REEP5: variants seen among roughly 807,000 people sequenced by gnomAD.
REEP5 encodes receptor expression-enhancing protein 5.
In REEP5, 24 loss-of-function variants were observed where a neutral mutation model predicts 22.4. That is an observed-to-expected ratio of 1.07 (90% confidence interval 0.78 to 1.51). The LOEUF (loss-of-function observed/expected upper bound fraction) is 1.51. Ranked by LOEUF, REEP5 falls within the 40% of genes most tolerant of loss-of-function variation. The pLI is 0.00. For synonymous variants in REEP5, 103 were observed against 88.6 expected (o/e 1.16, Z -0.92); for missense variants, 252 against 233.0 (o/e 1.08, Z -0.53).
intron 4 of REEP5, chr5:112,885,851 G>T: frequency 5.0e-6 from 1 of 198,052 alleles, no homozygotes; most frequent in South Asian, 8.4e-5. Flanking sequence ...TTTAGAGAAT[G>T]ATCACCCAGA....
chr5:112,903,237 C>T (rs561607228), intron 2 of REEP5, among the ~76,000 whole-genome samples: 4 of 152,320 alleles, frequency 2.6e-5, no homozygotes, highest in African/African-American at 7.2e-5. Context: ...TTATTCTAAA[C>T]CTGAAGCTCC....
chr5:112,892,736 C>G, intron 3 of REEP5: 1 of 1,613,930 alleles, frequency 6.2e-7, no homozygotes, highest in East Asian at 2.2e-5. Flanking sequence ...GGCAAGAACT[C>G]CGAGAGGAGG....
At chr5:112,912,441 CTA>C (rs1428214116) in intron 2 of REEP5, among the ~76,000 whole-genome samples, 2 of 152,080 alleles carry the variant, frequency 1.3e-5, no homozygotes, top group East Asian at 1.9e-4. Flanking sequence ...TAAAATATAT[CTA>C]TATATCCATT....
intron 3 of REEP5, among the ~76,000 whole-genome samples, chr5:112,889,016 G>C (rs774042526): frequency 2.7e-5 from 4 of 150,754 alleles, no homozygotes; most frequent in Non-Finnish European, 5.9e-5. Context: ...CTTTCGCTTG[G>C]GCTCTCATTC....
intron 4 of REEP5, among the ~76,000 whole-genome samples, chr5:112,883,380 CA>C (rs1369286192): frequency 6.6e-6 from 1 of 152,192 alleles, no homozygotes; most frequent in Non-Finnish European, 1.5e-5. Flanking sequence ...GACCTGTTGA[CA>C]GCATGTAACA....
At chr5:112,897,083 T>A (rs1436977070) in intron 3 of REEP5, 1 of 152,174 alleles carries the variant, frequency 6.6e-6, no homozygotes, top group Non-Finnish European at 1.5e-5. Context: ...TAGATAGCTA[T>A]GTCAAAAAAT....
At chr5:112,891,901 C>CA (rs763078147) in intron 3 of REEP5, 1 of 1,324,988 alleles carries the variant, frequency 7.5e-7, no homozygotes, top group Middle Eastern at 1.8e-4. Flanking sequence ...GCAGAAGGCA[C>CA]AAGAAGAATT....
intron 1 of REEP5, 90 bp downstream of exon 1, chr5:112,921,983 C>T: frequency 6.9e-7 from 1 of 1,458,248 alleles, no homozygotes. Context: ...CTCCACCTTT[C>T]CCGAGTCCTC....
At chr5:112,892,033 C>G (rs1554093469) in intron 3 of REEP5, 6 of 1,420,594 alleles carry the variant, frequency 4.2e-6, no homozygotes, top group South Asian at 1.1e-5. Flanking sequence ...GCAGAAACAA[C>G]AGGAGAAGAA....
intron 3 of REEP5, among the ~76,000 whole-genome samples, chr5:112,889,334 A>C (rs1182034283): frequency 1.3e-5 from 2 of 150,854 alleles, no homozygotes; most frequent in Non-Finnish European, 2.9e-5. Context: ...ACAAAACCAA[A>C]TAGGAACACT....
chr5:112,880,170 A>C (rs1580726459), intron 4 of REEP5, among the ~76,000 whole-genome samples: 2 of 152,006 alleles, frequency 1.3e-5, no homozygotes, highest in East Asian at 3.9e-4. Flanking sequence ...CAGAGCTTTG[A>C]GAGGCTGAGG....
At chr5:112,892,922 G>A (rs1768531917) in intron 3 of REEP5, 2 of 1,606,378 alleles carry the variant, frequency 1.2e-6, no homozygotes, top group African/African-American at 1.3e-5. Context: ...TCACCAAGCA[G>A]AGGAAGAAAT....
In REEP5 at chr5:112,910,555, G is replaced by A. The variant is rs369121728; in HGVS notation, c.213-8037C>T. On this transcript the variant is annotated intron_variant, in intron 2 of 4. Coordinates refer to ENST00000379638, the MANE Select transcript of REEP5 (RefSeq NM_005669.5). ...ATTTTATTACCATCATGCCATTTTGGTTGTTTTGATCTGGAGAGAGTATCT... is the reference window on the plus strand; with the variant it reads ...ATTTTATTACCATCATGCCATTTTGATTGTTTTGATCTGGAGAGAGTATCT... 1.6e-4 allele frequency among the ~76,000 whole-genome samples: 25 copies of A among 152,246 alleles called. No individual in the cohort carries two copies. In the South Asian group the frequency reaches 5.2e-3, roughly 32 times the overall value.
Position 112,878,302 on chromosome 5 carries a change from A to T in REEP5, c.*484T>A, listed in dbSNP as rs1193376229. 6.4e-6 allele frequency: 1 copy of T among 156,000 alleles called. No individual in the cohort carries two copies. 9.7% of individuals were successfully genotyped at this position (156,000 alleles called of 1,614,324 possible). A position where few individuals can be genotyped will look rare whatever the true frequency, so the allele number is the denominator to read the frequency against. On this transcript the variant is annotated 3_prime_UTR_variant, in exon 5 of 5. Transcript: ENST00000379638. ...CTTCCCCTGCTCCCTCCCCATGAGC[A>T]TGATGCATGTTGTAGTCAGACAGTA...
chr5:112,901,945 G>A (rs1380088016), intron 3 of REEP5, among the ~76,000 whole-genome samples: 7 of 147,370 alleles, frequency 4.7e-5, no homozygotes, highest in South Asian at 4.3e-4. Context: ...CCTGGGCGAC[G>A]GAGCAAGACT....
intron 3 of REEP5, among the ~76,000 whole-genome samples, chr5:112,900,688 C>G (rs980795041): frequency 6.6e-6 from 1 of 151,984 alleles, no homozygotes; most frequent in Non-Finnish European, 1.5e-5. Flanking sequence ...TGGGGCCCCC[C>G]ACTCCTAGGA....
At chr5:112,904,132 T>G (rs911100079) in intron 2 of REEP5, among the ~76,000 whole-genome samples, 1 of 152,104 alleles carries the variant, frequency 6.6e-6, no homozygotes, top group Non-Finnish European at 1.5e-5. Context: ...CCCCAAATAT[T>G]TCAAAGTACA....
At chr5:112,910,276 T>C (rs1041166624) in intron 2 of REEP5, among the ~76,000 whole-genome samples, 1 of 152,104 alleles carries the variant, frequency 6.6e-6, no homozygotes, top group African/African-American at 2.4e-5. Context: ...CACTCCAGCC[T>C]GGGCGACAGA....
intron 2 of REEP5, among the ~76,000 whole-genome samples, chr5:112,906,958 GA>G (rs1175467450): frequency 1.3e-5 from 2 of 152,180 alleles, no homozygotes; most frequent in African/African-American, 2.4e-5. Flanking sequence ...GTTGGACGTA[GA>G]AGTCAAACTG....
Sources: allele counts gnomAD v4.1 joint callset (sites outside exome capture counted in the v4.1 genomes callset), GRCh38; gene constraint gnomAD v4.1.1; transcripts MANE v1.5; gene names NCBI Gene and HGNC (gene_info 2026-07-23, HGNC 2026-07-21).